Variants in APTX observed in about 807,000 individuals in gnomAD.
APTX encodes aprataxin.
Under a neutral mutation model 42.3 loss-of-function variants are expected in APTX, and 33 were observed. The ratio of observed to expected loss-of-function variants is 0.78; its 90% CI spans 0.59 to 1.04. The LOEUF is 1.04. Ranked by LOEUF, APTX falls within the 50% of genes least tolerant of loss-of-function variation. The probability of loss-of-function intolerance (pLI) is 0.00; values close to 1 mark genes in which losing one functional copy is unlikely to be tolerated. For missense variants in APTX, 421 were observed against 415.1 expected, an observed-to-expected ratio of 1.01 and a Z score of -0.12; for synonymous variants, 130 against 146.7, an observed-to-expected ratio of 0.89 and a Z score of 0.82.
At chr9:33,018,570 GAAA>G (rs74178841) in intron 1 of APTX, among the ~76,000 whole-genome samples, 3 of 114,798 alleles carry the variant, frequency 2.6e-5, no homozygotes, top group Non-Finnish European at 3.4e-5. Context: ...CTTCGTCTCA[GAAA>G]AAAAAAAAAA....
chr9:33,012,298 AAAAG>A (rs1019166399), intron 1 of APTX, among the ~76,000 whole-genome samples: 2 of 152,196 alleles, frequency 1.3e-5, no homozygotes, highest in African/African-American at 4.8e-5. Context: ...TAAAGAAAAA[AAAAG>A]AACGCAAAAT....
intron 1 of APTX, 127 bp downstream of exon 1, chr9:33,001,437 CCGT>C: frequency 6.4e-7 from 1 of 1,554,958 alleles, no homozygotes; most frequent in East Asian, 2.4e-5. Flanking sequence ...GAGAAAGCAG[CCGT>C]GAGAGCAGCG....
intron 1 of APTX, among the ~76,000 whole-genome samples, chr9:32,991,690 T>C (rs1163326144): frequency 6.6e-6 from 1 of 151,402 alleles, no homozygotes; most frequent in East Asian, 2.0e-4. Context: ...GGCAGGAAAA[T>C]TGCTTGAACC....
chr9:32,991,014 C>G (rs934966298), intron 1 of APTX, among the ~76,000 whole-genome samples: 1 of 152,068 alleles, frequency 6.6e-6, no homozygotes, highest in Non-Finnish European at 1.5e-5. Flanking sequence ...GCAACCTCTG[C>G]CTCCTGGGTT....
At chr9:32,992,154 A>C (rs1587514159) in intron 1 of APTX, among the ~76,000 whole-genome samples, 1 of 152,310 alleles carries the variant, frequency 6.6e-6, no homozygotes, top group South Asian at 2.1e-4. Context: ...TCAAGCCTCT[A>C]ACATGCCTCT....
At chr9:33,010,299 T>C (rs931816433) in intron 1 of APTX, among the ~76,000 whole-genome samples, 2 of 152,096 alleles carry the variant, frequency 1.3e-5, no homozygotes, top group Non-Finnish European at 2.9e-5. Flanking sequence ...TGGCCTCCAG[T>C]CAGATGAAAC....
intron 6 of APTX, among the ~76,000 whole-genome samples, chr9:32,976,482 C>G (rs1829445531): frequency 6.6e-6 from 1 of 152,144 alleles, no homozygotes; most frequent in African/African-American, 2.4e-5. Flanking sequence ...AAATAAGACT[C>G]AAGACAAAAA....
At chr9:33,004,630 C>CTTTTTTTTT (rs3065216), upstream of APTX, among the ~76,000 whole-genome samples, 3 of 125,710 alleles carry the variant, frequency 2.4e-5, no homozygotes, top group Admixed American at 8.7e-5. Context: ...CTTGCCAACC[C>CTTTTTTTTT]TTTTTTTTTT....
upstream of APTX, among the ~76,000 whole-genome samples, chr9:33,004,807 A>AT (rs200119506): frequency 0.22 from 31,257 of 139,952 alleles, 3,511 homozygotes; most frequent in East Asian, 0.54. Flanking sequence ...TAATTTTTGT[A>AT]TTTTTTTTTT....
intron 1 of APTX, chr9:33,019,829 CT>C: frequency 1.6e-6 from 1 of 642,198 alleles, no homozygotes; most frequent in Non-Finnish European, 2.7e-6. Flanking sequence ...GGCCAGGATC[CT>C]GCCGCTCACT....
upstream of APTX, among the ~76,000 whole-genome samples, chr9:33,003,672 C>T (rs10971291): frequency 0.07 from 10,723 of 152,174 alleles, 513 homozygotes; most frequent in Non-Finnish European, 0.11. Context: ...TCCCTATTTT[C>T]CCTCCCCCAC....
intron 4 of APTX, among the ~76,000 whole-genome samples, chr9:32,987,166 A>C (rs1832388447): frequency 6.6e-6 from 1 of 152,226 alleles, no homozygotes; most frequent in African/African-American, 2.4e-5. Context: ...GAAATGCCAG[A>C]GTATGAGTCA....
chr9:32,982,940 C>CT (rs531575549), intron 6 of APTX, among the ~76,000 whole-genome samples: 7 of 150,762 alleles, frequency 4.6e-5, no homozygotes, highest in African/African-American at 1.5e-4. Flanking sequence ...AATATTTATT[C>CT]TTTTTTTTTC....
upstream of APTX, among the ~76,000 whole-genome samples, chr9:33,002,144 C>CA (rs1376856165): frequency 6.6e-6 from 1 of 152,068 alleles, no homozygotes; most frequent in African/African-American, 2.4e-5. Flanking sequence ...AAGCAAGATG[C>CA]AGGGATAAGA....
upstream of APTX, among the ~76,000 whole-genome samples, chr9:33,004,298 A>T (rs1836966415): frequency 6.6e-6 from 1 of 152,176 alleles, no homozygotes; most frequent in South Asian, 2.1e-4. Flanking sequence ...AAGATGAGAG[A>T]TTTTAAAAAA....
chr9:33,001,654 T>G, upstream of APTX: 1 of 1,610,328 alleles, frequency 6.2e-7, no homozygotes, highest in Non-Finnish European at 8.5e-7. Context: ...AGGCCGGCTG[T>G]ATCGCGACCA....
chr9:33,001,624 G>A lies in APTX; in HGVS notation c.-62C>T. 1.2e-6 allele frequency: 2 copies of A among 1,613,678 alleles called. No homozygotes were observed. Among genetic ancestry groups the A allele is most frequent in the South Asian group, 2.2e-5 (2 of 91,022 alleles). ...ACTCATCTGTGCCTCACCGCTTCCG[G>A]CGCTGCGGGATGACGTCAGAGGCCG... On this transcript the variant is annotated 5_prime_UTR_variant, in exon 1 of 8. Coordinates refer to ENST00000379817, the MANE Select transcript of APTX (RefSeq NM_001195248.2).
At position 33,010,224 on chromosome 9, in the gene APTX, T is replaced by C. The variant is rs189089893; in HGVS notation, c.-5+14799A>G. Among the ~76,000 whole-genome samples the C allele has an allele frequency of 1.2e-3, 190 of 152,236 alleles. 1 individual carries two copies. Among genetic ancestry groups the C allele is most frequent in the Middle Eastern group, 6.8e-3 (2 of 294 alleles). ...CCGTCAGACCAGCTCCTCTTACTAG[T>C]CAACTGGGAGAGACATGGCTATAGG... On this transcript the variant is annotated intron_variant, in intron 1 of 6. Transcript: ENST00000436040.
At chr9:33,019,664 C>T (rs1240446252) in intron 1 of APTX, 6 of 444,046 alleles carry the variant, frequency 1.4e-5, no homozygotes, top group Non-Finnish European at 2.1e-5. Context: ...TAGGAGGAGA[C>T]GCAAGGTTAG....
Sources: gnomAD v4.1 joint callset for allele counts (sites outside exome capture counted in the v4.1 genomes callset) on GRCh38, gnomAD v4.1.1 for gene constraint, MANE v1.5 for transcripts, NCBI Gene and HGNC (gene_info 2026-07-23, HGNC 2026-07-21) for gene names.